Variants in PCLO observed in about 807,000 individuals in gnomAD.
The protein encoded by PCLO is piccolo presynaptic cytomatrix protein.
PCLO carries 82 observed loss-of-function variants against 427.5 expected under a neutral mutation model. The observed-to-expected ratio is 0.19, with a 90% confidence interval of 0.16 to 0.23. The LOEUF (loss-of-function observed/expected upper bound fraction) is 0.23, where lower values mean the gene tolerates loss of function less well. Among genes scored for constraint, PCLO ranks in the 10% least tolerant of loss-of-function variants. PCLO has a pLI of 1.00. For missense variants in PCLO, 6,239 were observed against 6,115.9 expected (o/e 1.02, Z -0.67); for synonymous variants, 2,357 against 2,155.4 (o/e 1.09, Z -2.59).
At position 82,845,256 on chromosome 7, in the gene PCLO, A is replaced by C. The variant is rs1188023100; in HGVS notation, c.14046+15T>G. 2 of 1,601,780 alleles carry C rather than the reference A, an allele frequency of 1.2e-6. No individual in the cohort carries two copies. Among genetic ancestry groups the C allele is most frequent in the Non-Finnish European group, 1.7e-6 (2 of 1,169,494 alleles). On this transcript the variant is annotated intron_variant, in intron 13 of 24. Transcript: ENST00000333891. ...AGAAAACAAGTGGGTCAGAGGTCAC[A>C]TCAACAATCCTCACCTTGCTGCTGC...
intron 21 of PCLO, among the ~76,000 whole-genome samples, chr7:82,804,559 G>A (rs2129468785): frequency 6.6e-6 from 1 of 152,224 alleles, no homozygotes; most frequent in East Asian, 1.9e-4. Context: ...TGGAGAAAAT[G>A]AAAAAGACCC....
intron 3 of PCLO, among the ~76,000 whole-genome samples, chr7:83,089,669 A>C (rs544257917): frequency 6.6e-6 from 1 of 152,298 alleles, no homozygotes; most frequent in East Asian, 1.9e-4. Context: ...GAAGAATTTG[A>C]TATGGTTCAC....
intron 9 of PCLO, among the ~76,000 whole-genome samples, chr7:82,901,458 A>G (rs1008046213): frequency 1.3e-5 from 2 of 152,074 alleles, no homozygotes; most frequent in Admixed American, 1.3e-4. Flanking sequence ...GTTAGACCTA[A>G]AACCATAATA....
intron 3 of PCLO, among the ~76,000 whole-genome samples, chr7:83,014,734 C>T (rs916648055): frequency 5.3e-5 from 8 of 152,112 alleles, no homozygotes; most frequent in Admixed American, 1.3e-4. Context: ...AGGATGTATC[C>T]GGCTACCTTT....
intron 3 of PCLO, among the ~76,000 whole-genome samples, chr7:83,008,835 T>C (rs982535280): frequency 6.6e-6 from 1 of 151,638 alleles, no homozygotes. Flanking sequence ...ATGATATATA[T>C]CATTATGTAT....
At chr7:83,156,630 T>C (rs1477644720) in intron 1 of PCLO, among the ~76,000 whole-genome samples, 1 of 151,744 alleles carries the variant, frequency 6.6e-6, no homozygotes, top group East Asian at 1.9e-4. Context: ...CTTGCTCTTA[T>C]GAGTGATAAA....
intron 7 of PCLO, among the ~76,000 whole-genome samples, chr7:82,910,578 T>G (rs187771183): frequency 1.3e-5 from 2 of 152,222 alleles, no homozygotes; most frequent in African/African-American, 4.8e-5. Context: ...CCCTCAATAC[T>G]AAAATCAATG....
chr7:83,013,193 A>T (rs375645723), intron 3 of PCLO, among the ~76,000 whole-genome samples: 10 of 152,204 alleles, frequency 6.6e-5, no homozygotes, highest in Non-Finnish European at 1.2e-4. Flanking sequence ...ATGATAAAAA[A>T]AAGTACATTT....
In PCLO at chr7:82,916,488, T is replaced by C. The variant is rs1216959379; in HGVS notation, c.11498A>G (p.Tyr3833Cys). Residue 3833 changes from tyrosine to cysteine, a missense_variant, in exon 7 of 25, where the codon TAC (tyrosine) becomes TGC (cysteine). Around this residue, in one of 5 missense-constraint regions of PCLO, gnomAD observed 680 missense variants for 677.3 expected, o/e 1.00. Transcript: ENST00000333891. ...YLQGVAEDRD[Y>C]MSDSEVSSTR... ...GCTACTCACTTCACTGTCAGACATG[T>C]AATCACGATCCTCAGCTACTCCCTG... is the stretch of plus-strand genomic sequence containing the variant. 6.2e-7 allele frequency: 1 copy of C among 1,613,710 alleles called. No individual in the cohort carries two copies. The highest frequency in any genetic ancestry group is 8.5e-7 in the Non-Finnish European group (1 of 1,179,732).
At chr7:83,104,305 A>T (rs528046879) in intron 3 of PCLO, among the ~76,000 whole-genome samples, 1 of 152,098 alleles carries the variant, frequency 6.6e-6, no homozygotes, top group Non-Finnish European at 1.5e-5. Flanking sequence ...TATGCTTTAA[A>T]GGAAAATATC....
intron 3 of PCLO, among the ~76,000 whole-genome samples, chr7:82,990,919 G>A (rs1003481375): frequency 2.6e-5 from 4 of 152,024 alleles, no homozygotes; most frequent in Non-Finnish European, 4.4e-5. Context: ...CAAAAAGCAT[G>A]AGTTCTTGTT....
chr7:82,869,159 T>C (rs10499871), intron 10 of PCLO, among the ~76,000 whole-genome samples: 24,405 of 152,038 alleles, frequency 0.16, 2,484 homozygotes, highest in Middle Eastern at 0.22. Context: ...GTCCATGATA[T>C]TAACCAAGTA....
At chr7:82,907,034 C>A (rs7787415) in intron 8 of PCLO, among the ~76,000 whole-genome samples, 1 of 151,746 alleles carries the variant, frequency 6.6e-6, no homozygotes, top group Admixed American at 6.6e-5. Context: ...AGACCAAAAC[C>A]ATAAATCTGT....
intron 9 of PCLO, among the ~76,000 whole-genome samples, chr7:82,890,324 G>T (rs377146859): frequency 6.6e-6 from 1 of 152,024 alleles, no homozygotes. Context: ...CATAGTTTGT[G>T]AAACATTTTA....
chr7:83,055,656 T>A (rs555527611), intron 3 of PCLO, among the ~76,000 whole-genome samples: 8 of 152,044 alleles, frequency 5.3e-5, no homozygotes, highest in Non-Finnish European at 1.2e-4. Context: ...TTTTGCAAAT[T>A]TATGAATTTC....
chr7:82,996,966 T>C (rs1357926141), intron 3 of PCLO, among the ~76,000 whole-genome samples: 1 of 152,018 alleles, frequency 6.6e-6, no homozygotes, highest in African/African-American at 2.4e-5. Context: ...CTTTCAACGG[T>C]ACTGTTTAAA....
chr7:82,847,232 T>C lies in PCLO; in HGVS notation c.13670A>G (p.Glu4557Gly), dbSNP rs1454319976. 6.3e-7 allele frequency: 1 copy of C among 1,587,104 alleles called. No individual in the cohort carries two copies. ...AGAAGTCAAGGGAATTCCATTCCAT[T>C]CCAATACTTGCATCCCTAGAAAGAC... ...GKLMEGMQVLEWNGIPLTSKT... is the reference protein window; with the variant it reads ...GKLMEGMQVLGWNGIPLTSKT... The change falls in exon 11 of 25, where the codon GAA becomes GGA. Residue 4557 changes from glutamate (E) to glycine (G), a missense_variant. Physicochemically the swap from Glu to Gly is moderately conservative, Grantham distance 98. This residue lies in a region of PCLO where 877 missense variants were observed against 925.5 expected (regional missense o/e 0.95). Coordinates refer to ENST00000333891, the MANE Select transcript of PCLO (RefSeq NM_033026.6).
intron 16 of PCLO, 59 bp from the exon 17 acceptor site, chr7:82,828,025 A>G: frequency 1.1e-6 from 1 of 904,772 alleles, no homozygotes; most frequent in South Asian, 1.4e-5. Context: ...ATGACTTCAC[A>G]GTTAAACTAA....
At chr7:83,094,214 T>TTTC (rs1554395834) in intron 3 of PCLO, among the ~76,000 whole-genome samples, 34 of 146,492 alleles carry the variant, frequency 2.3e-4, no homozygotes, top group Non-Finnish European at 1.0e-4. Flanking sequence ...TTTTTTCTTT[T>TTTC]TTTTTTTTTT....
Sources: gnomAD v4.1 joint callset for allele counts (sites outside exome capture counted in the v4.1 genomes callset) on GRCh38, gnomAD v4.1.1 for gene constraint, gnomAD v4.1.1 regional missense constraint, MANE v1.5 for transcripts, NCBI Gene and HGNC (gene_info 2026-07-23, HGNC 2026-07-21) for gene names.